CHRM3: variants seen among roughly 807,000 people sequenced by gnomAD.
The protein encoded by CHRM3 is cholinergic receptor muscarinic 3.
In CHRM3, 11 loss-of-function variants were observed where a neutral mutation model predicts 41.8. The observed-to-expected ratio is 0.26, with a 90% CI of 0.17 to 0.44. The LOEUF (loss-of-function observed/expected upper bound fraction) is 0.44. Among genes scored for constraint, CHRM3 ranks in the 20% least tolerant of loss-of-function variants. The probability of loss-of-function intolerance (pLI) is 1.00; values close to 1 mark genes in which losing one functional copy is unlikely to be tolerated. For synonymous variants in CHRM3, 297 were observed against 301.4 expected (o/e 0.99, Z 0.15); for missense variants, 571 against 745.4 (o/e 0.77, Z 2.72).
At chr1:239,798,753 G>C (rs1669987517) in intron 5 of CHRM3, among the ~76,000 whole-genome samples, 1 of 152,182 alleles carries the variant, frequency 6.6e-6, no homozygotes, top group African/African-American at 2.4e-5. Flanking sequence ...GGCCATCAAA[G>C]ACTTCCTGAT....
intron 3 of CHRM3, among the ~76,000 whole-genome samples, chr1:239,575,990 A>G (rs1232602138): frequency 6.6e-6 from 1 of 152,028 alleles, no homozygotes; most frequent in South Asian, 2.1e-4. Context: ...GTGACTGACC[A>G]CTATTCTACT....
chr1:239,572,139 GTGCAAGT>G (rs1466940119), intron 3 of CHRM3, among the ~76,000 whole-genome samples: 1 of 152,148 alleles, frequency 6.6e-6, no homozygotes, highest in Non-Finnish European at 1.5e-5. Context: ...CCAAAAGCTT[GTGCAAGT>G]TAAAATCTAG....
At chr1:239,399,944 A>G (rs1659823337) in intron 1 of CHRM3, among the ~76,000 whole-genome samples, 1 of 151,736 alleles carries the variant, frequency 6.6e-6, no homozygotes, top group Non-Finnish European at 1.5e-5. Flanking sequence ...ACAGAGTCTC[A>G]CTCTGTTGCC....
chr1:239,575,446 A>C (rs1662243091), intron 3 of CHRM3, among the ~76,000 whole-genome samples: 1 of 152,188 alleles, frequency 6.6e-6, no homozygotes, highest in Non-Finnish European at 1.5e-5. Flanking sequence ...ATATTCTTTT[A>C]TTGTTAATAT....
At chr1:239,618,691 A>C (rs532033994) in intron 3 of CHRM3, among the ~76,000 whole-genome samples, 1 of 150,896 alleles carries the variant, frequency 6.6e-6, no homozygotes, top group East Asian at 2.1e-4. Context: ...AAAAATACAA[A>C]AAATTAGCTG....
chr1:239,602,106 G>GTATA, intron 3 of CHRM3, among the ~76,000 whole-genome samples: 1 of 129,262 alleles, frequency 7.7e-6, no homozygotes, highest in African/African-American at 3.5e-5. Flanking sequence ...GTGTGTGTGT[G>GTATA]TGTGTATATA....
At chr1:239,544,690 C>T (rs1659115781) in intron 2 of CHRM3, among the ~76,000 whole-genome samples, 1 of 151,500 alleles carries the variant, frequency 6.6e-6, no homozygotes, top group Non-Finnish European at 1.5e-5. Flanking sequence ...TTTGTATGTG[C>T]CAGGCACTAT....
intron 6 of CHRM3, among the ~76,000 whole-genome samples, chr1:239,876,364 G>C (rs1677109296): frequency 6.6e-6 from 1 of 152,186 alleles, no homozygotes; most frequent in Non-Finnish European, 1.5e-5. Flanking sequence ...GCTGGAGGTA[G>C]TGTAAGCAAA....
intron 5 of CHRM3, among the ~76,000 whole-genome samples, chr1:239,721,572 A>G (rs982795798): frequency 5.3e-5 from 8 of 151,986 alleles, no homozygotes; most frequent in African/African-American, 1.2e-4. Flanking sequence ...AAGAGTTTGT[A>G]TTTTAATGAA....
At chr1:239,634,338 A>C (rs1334335350) in intron 4 of CHRM3, among the ~76,000 whole-genome samples, 1 of 149,880 alleles carries the variant, frequency 6.7e-6, no homozygotes, top group East Asian at 1.9e-4. Context: ...AGAGAGAGAG[A>C]GAAAGGAATA....
intron 6 of CHRM3, among the ~76,000 whole-genome samples, chr1:239,871,233 T>C (rs1676555199): frequency 1.3e-5 from 2 of 152,082 alleles, no homozygotes; most frequent in Admixed American, 1.3e-4. Flanking sequence ...GGGTATAGGA[T>C]TGCCATATTA....
intron 5 of CHRM3, among the ~76,000 whole-genome samples, chr1:239,755,934 T>C (rs972013002): frequency 1.3e-5 from 2 of 152,304 alleles, no homozygotes; most frequent in African/African-American, 4.8e-5. Context: ...AAGAAAAAAA[T>C]CACTTTTTTT....
Position 239,914,295 on chromosome 1 carries a change from C to A in CHRM3, c.*5071C>A, listed in dbSNP as rs1172774060. On this transcript the variant is annotated 3_prime_UTR_variant, in exon 7 of 7. Coordinates refer to ENST00000676153, the MANE Select transcript of CHRM3 (RefSeq NM_001375978.1). Reference sequence around the variant, plus strand: ...ATCACTCTGTATCCTGTGGCTCACACAGAATCTGGCAAATTGCATATATTC... The same window carrying A: ...ATCACTCTGTATCCTGTGGCTCACAAAGAATCTGGCAAATTGCATATATTC... 6.0e-6 allele frequency: 1 copy of A among 167,056 alleles called. No individual in the cohort carries two copies. The highest frequency in any genetic ancestry group is 2.4e-5 in the African/African-American group (1 of 41,424). The allele number at this position is 167,056 out of a possible 1,614,324, so 10.3% of individuals were successfully genotyped here. A position where few individuals can be genotyped will look rare whatever the true frequency, so the allele number is the denominator to read the frequency against.
chr1:239,397,393 C>G (rs1659576993), intron 1 of CHRM3, among the ~76,000 whole-genome samples: 2 of 151,964 alleles, frequency 1.3e-5, no homozygotes, highest in Non-Finnish European at 2.9e-5. Flanking sequence ...AATGTTGTGG[C>G]CGGGTGTGGT....
At chr1:239,807,103 A>G (rs190221987) in intron 5 of CHRM3, among the ~76,000 whole-genome samples, 1 of 152,212 alleles carries the variant, frequency 6.6e-6, no homozygotes, top group East Asian at 1.9e-4. Context: ...TGATTTGACA[A>G]ATATTTTCTT....
chr1:239,578,255 G>A (rs1320236602), intron 3 of CHRM3, among the ~76,000 whole-genome samples: 1 of 152,124 alleles, frequency 6.6e-6, no homozygotes, highest in Non-Finnish European at 1.5e-5. Flanking sequence ...TCTGTGTCTT[G>A]TGGCTTTGCA....
chr1:239,654,860 G>A (rs1179815196), intron 4 of CHRM3, among the ~76,000 whole-genome samples: 1 of 152,142 alleles, frequency 6.6e-6, no homozygotes, highest in East Asian at 1.9e-4. Flanking sequence ...ACCCCAAGCT[G>A]GATTTGCAAT....
intron 6 of CHRM3, among the ~76,000 whole-genome samples, chr1:239,839,781 A>G: frequency 7.0e-6 from 1 of 141,982 alleles, no homozygotes; most frequent in Non-Finnish European, 1.5e-5. Flanking sequence ...GACATTTACT[A>G]TTACATTCAG....
At chr1:239,712,193 A>G (rs1661873521) in intron 5 of CHRM3, among the ~76,000 whole-genome samples, 1 of 152,192 alleles carries the variant, frequency 6.6e-6, no homozygotes, top group Non-Finnish European at 1.5e-5. Context: ...AAATAATTTT[A>G]TTCACTATAA....
Sources: allele counts gnomAD v4.1 joint callset (sites outside exome capture counted in the v4.1 genomes callset), GRCh38; gene constraint gnomAD v4.1.1; transcripts MANE v1.5; gene names NCBI Gene and HGNC (gene_info 2026-07-23, HGNC 2026-07-21).